RNLS: variants seen among roughly 807,000 people sequenced by gnomAD.
RNLS encodes the protein renalase, FAD dependent amine oxidase, also known as renalase.
A neutral mutation model predicts 39.8 loss-of-function variants in RNLS; 39 were observed. That is an observed-to-expected ratio of 0.98 (90% CI 0.76 to 1.28). RNLS has a LOEUF of 1.28. Among genes scored for constraint, RNLS ranks in the 50% most tolerant of loss-of-function variants. The probability of loss-of-function intolerance (pLI) is 0.00; values close to 1 mark genes in which losing one functional copy is unlikely to be tolerated. For missense variants in RNLS, 410 were observed against 413.3 expected (o/e 0.99, Z 0.07); for synonymous variants, 147 against 150.7 (o/e 0.98, Z 0.18).
the RNLS span, among the ~76,000 whole-genome samples, chr10:88,177,810 G>A: frequency 3.3e-5 from 5 of 152,198 alleles, no homozygotes; most frequent in Non-Finnish European, 7.3e-5. Flanking sequence ...CTATGTGAGT[G>A]CAGTAGTCTC....
intron 4 of RNLS, among the ~76,000 whole-genome samples, chr10:88,480,073 T>C (rs572935893): frequency 1.3e-5 from 2 of 152,314 alleles, no homozygotes; most frequent in South Asian, 2.1e-4. Context: ...TTTTGCATTG[T>C]ACTTGGCTTG....
chr10:88,401,446 A>C (rs1852910357), intron 4 of RNLS, among the ~76,000 whole-genome samples: 1 of 152,020 alleles, frequency 6.6e-6, no homozygotes, highest in Non-Finnish European at 1.5e-5. Context: ...AGAGTGTTCT[A>C]ATTATTTATT....
At chr10:88,236,433 T>A in the RNLS span, among the ~76,000 whole-genome samples, 1 of 152,196 alleles carries the variant, frequency 6.6e-6, no homozygotes, top group African/African-American at 2.4e-5. Context: ...TTTTAGCTAA[T>A]CCTCTAGGGA....
At chr10:88,315,251 A>G (rs899623091) in intron 5 of RNLS, among the ~76,000 whole-genome samples, 1 of 152,218 alleles carries the variant, frequency 6.6e-6, no homozygotes, top group African/African-American at 2.4e-5. Flanking sequence ...AAAACATGAA[A>G]CAACTTTCCA....
chr10:88,323,501 GA>G (rs1440288958), intron 5 of RNLS, among the ~76,000 whole-genome samples: 1 of 152,010 alleles, frequency 6.6e-6, no homozygotes, highest in Non-Finnish European at 1.5e-5. Context: ...AAACAATGAA[GA>G]AAGTACACCC....
Position 88,392,437 on chromosome 10 carries a change from T to G in RNLS, c.527-29712A>C, listed in dbSNP as rs1589716507. Among the ~76,000 whole-genome samples the G allele has an allele frequency of 2.0e-5, 3 of 152,070 alleles. No homozygotes were observed. The South Asian group carries it at 6.2e-4, about 32-fold the overall frequency. ...GCAGGAAGTGAAAGTGAAGGCAGAGTTTCATACTGCCTGCTGGAGTGTTCA... is the reference window on the plus strand; with the variant it reads ...GCAGGAAGTGAAAGTGAAGGCAGAGGTTCATACTGCCTGCTGGAGTGTTCA... On this transcript the variant is annotated intron_variant, in intron 4 of 6. Coordinates refer to ENST00000331772, the MANE Select transcript of RNLS (RefSeq NM_001031709.3).
rs372364605 is a variant in RNLS, at chr10:88,386,860, G to A, written c.527-24135C>T. ...AACCACAATGTATTTATCATCTTCT[G>A]TCATCAGTTATAAAGTGGAAGTACT... On this transcript the variant is annotated intron_variant, in intron 4 of 6. Transcript: ENST00000331772. Among the ~76,000 whole-genome samples the A allele has an allele frequency of 2.2e-4, 34 of 152,286 alleles. No individual in the cohort carries two copies. The East Asian group carries it at 4.3e-3, about 19-fold the overall frequency.
chr10:88,186,311 C>A, the RNLS span, among the ~76,000 whole-genome samples: 1 of 152,056 alleles, frequency 6.6e-6, no homozygotes, highest in Non-Finnish European at 1.5e-5. Flanking sequence ...CTGAATACCC[C>A]GATTATTTTT....
At chr10:88,343,245 AGT>A (rs1848083530) in intron 5 of RNLS, among the ~76,000 whole-genome samples, 1 of 152,198 alleles carries the variant, frequency 6.6e-6, no homozygotes, top group African/African-American at 2.4e-5. Flanking sequence ...AAAATAAGAC[AGT>A]GTCTTGACAG....
At chr10:88,449,212 G>A (rs1287686220) in intron 4 of RNLS, among the ~76,000 whole-genome samples, 2 of 152,110 alleles carry the variant, frequency 1.3e-5, no homozygotes, top group East Asian at 3.8e-4. Context: ...AGCACAAAAT[G>A]TCCTCTGGAT....
chr10:88,230,530 C>A, the RNLS span, among the ~76,000 whole-genome samples: 2 of 152,312 alleles, frequency 1.3e-5, no homozygotes, highest in African/African-American at 4.8e-5. Context: ...TCTCACACAT[C>A]TTGGTGAGTG....
chr10:88,239,916 T>G, the RNLS span, among the ~76,000 whole-genome samples: 1 of 152,222 alleles, frequency 6.6e-6, no homozygotes, highest in South Asian at 2.1e-4. Flanking sequence ...TCCAGTGCCT[T>G]GGGCACAGAG....
At chr10:88,198,711 A>AGCAT in the RNLS span, among the ~76,000 whole-genome samples, 1 of 152,044 alleles carries the variant, frequency 6.6e-6, no homozygotes, top group African/African-American at 2.4e-5. Flanking sequence ...CCAGCCATGT[A>AGCAT]GCATGCCTGC....
intron 4 of RNLS, among the ~76,000 whole-genome samples, chr10:88,437,345 A>G (rs548940919): frequency 6.6e-6 from 1 of 152,232 alleles, no homozygotes; most frequent in Non-Finnish European, 1.5e-5. Context: ...CCCCAAATAG[A>G]TGGGGCAGAA....
At chr10:88,293,971 A>C (rs1177271197) in intron 6 of RNLS, among the ~76,000 whole-genome samples, 1 of 152,186 alleles carries the variant, frequency 6.6e-6, no homozygotes, top group Non-Finnish European at 1.5e-5. Flanking sequence ...TACAAATATT[A>C]CTCTAGATAA....
intron 4 of RNLS, among the ~76,000 whole-genome samples, chr10:88,425,336 C>T (rs1854681353): frequency 6.6e-6 from 1 of 151,950 alleles, no homozygotes; most frequent in South Asian, 2.1e-4. Flanking sequence ...TACCCCTGCC[C>T]CAAAGCATAA....
chr10:88,262,220 G>A, the RNLS span, among the ~76,000 whole-genome samples: 639 of 152,136 alleles, frequency 4.2e-3, 6 homozygotes, highest in African/African-American at 0.015. Context: ...TACCAGTGTC[G>A]CACCTAACAG....
At chr10:88,244,376 C>T in the RNLS span, among the ~76,000 whole-genome samples, 1 of 152,150 alleles carries the variant, frequency 6.6e-6, no homozygotes, top group South Asian at 2.1e-4. Flanking sequence ...GAGGCAACGC[C>T]CCCCCATAAT....
chr10:88,261,684 G>A, the RNLS span, among the ~76,000 whole-genome samples: 1 of 152,098 alleles, frequency 6.6e-6, no homozygotes, highest in Non-Finnish European at 1.5e-5. Context: ...TAGGATTATT[G>A]TAGAGATTAA....
Sources: gnomAD v4.1 joint callset for allele counts (sites outside exome capture counted in the v4.1 genomes callset) on GRCh38, gnomAD v4.1.1 for gene constraint, MANE v1.5 for transcripts, NCBI Gene and HGNC (gene_info 2026-07-23, HGNC 2026-07-21) for gene names.